The following MFAP4 variants were observed in gnomAD, a reference collection of about 807,000 sequenced individuals.
MFAP4 encodes the protein microfibril-associated glycoprotein 4.
Under a neutral mutation model 32.4 loss-of-function variants are expected in MFAP4, and 20 were observed. That is an observed-to-expected ratio of 0.62 (90% CI 0.43 to 0.90). The LOEUF (loss-of-function observed/expected upper bound fraction) is 0.90, where lower values mean the gene tolerates loss of function less well. MFAP4 is among the 40% of genes least tolerant of loss of function. The pLI, the probability that MFAP4 is intolerant of heterozygous loss-of-function variation, is 0.00. For synonymous variants in MFAP4, 146 were observed against 137.4 expected (o/e 1.06, Z -0.44); for missense variants, 267 against 329.5 (o/e 0.81, Z 1.47).
Position 19,386,328 on chromosome 17 carries a change from G to C in MFAP4, c.222C>G (p.Thr74=). The C allele has an allele frequency of 6.2e-7, 1 of 1,608,368 alleles. No homozygotes were observed. Among genetic ancestry groups the C allele is most frequent in the Non-Finnish European group, 8.5e-7 (1 of 1,177,146 alleles). The change falls in exon 3 of 6, where the codon ACC becomes ACG. Residue 74 remains threonine, a synonymous_variant. Transcript: ENST00000299610. ...VPVPVFCDMT[T]EGGKWTVFQK... is the part of the protein sequence containing the mutation. The stretch of plus-strand genomic sequence containing the variant: ...CACTCACCGTCCACTTCCCGCCCTC[G>C]GTGGTCATGTCACAGAAGACGGGCA...
At chr17:19,386,977 G>GGCGC in intron 1 of MFAP4, 139 bp from the exon 2 acceptor site, 1 of 689,460 alleles carries the variant, frequency 1.5e-6, no homozygotes, top group Non-Finnish European at 2.4e-6. Context: ...CCTCTTCCCT[G>GGCGC]CCCCCCCACC....
In MFAP4 at chr17:19,384,265, A is replaced by G; in HGVS notation, c.*197T>C. 1 of 622,570 alleles carries G rather than the reference A, an allele frequency of 1.6e-6. No homozygotes were observed. The allele number at this position is 622,570 out of a possible 1,614,324, so 38.6% of individuals were successfully genotyped here. ...CTGCTGGCAGTGTAACTTCAGGTGT[A>G]GGGGAGCCGGGTCTGGCTTAGGAAT... On this transcript the variant is annotated 3_prime_UTR_variant, in exon 6 of 6. Transcript: ENST00000299610.
rs140186657 is a variant in MFAP4, at chr17:19,385,395, C to T, written c.300G>A (p.Lys100=). 1.5e-4 allele frequency: 248 copies of T among 1,614,148 alleles called. No individual in the cohort carries two copies. Among genetic ancestry groups the T allele is most frequent in the Non-Finnish European group, 1.9e-4 (229 of 1,180,060 alleles). ...VSFFRGWNDY[K]LGFGRADGEY... is the part of the protein sequence containing the mutation. ...CTCCATCAGCACGGCCGAAGCCCAG[C>T]TTGTAGTCATTCCAGCCGCGGAAGA... The change falls in exon 4 of 6, where the codon AAG becomes AAA. Residue 100 remains lysine, a synonymous_variant. Transcript: ENST00000299610.
In MFAP4 at chr17:19,387,075, C is replaced by T; in HGVS notation, c.6+75G>A. On this transcript the variant is annotated intron_variant, in intron 1 of 5. Transcript: ENST00000299610. ...GAGAACTCCTTGTGCCTTCATAGTG[C>T]CCTCTGTGGCCAGGGGCCTCTGGAG... 1 of 1,596,394 alleles carries T rather than the reference C, an allele frequency of 6.3e-7. No homozygotes were observed. The highest frequency in any genetic ancestry group is 8.5e-7 in the Non-Finnish European group (1 of 1,172,480).
At position 19,384,231 on chromosome 17, in the gene MFAP4, C is replaced by A; in HGVS notation, c.*231G>T. 1.8e-6 allele frequency: 1 copy of A among 550,586 alleles called. No individual in the cohort carries two copies. Among genetic ancestry groups the A allele is most frequent in the South Asian group, 2.1e-5 (1 of 48,748 alleles). The allele number at this position is 550,586 out of a possible 1,614,324, so 34.1% of individuals were successfully genotyped here. A position where few individuals can be genotyped will look rare whatever the true frequency, so the allele number is the denominator to read the frequency against. On this transcript the variant is annotated 3_prime_UTR_variant, in exon 6 of 6. Coordinates refer to ENST00000299610, the MANE Select transcript of MFAP4 (RefSeq NM_002404.3). ...AGAACCATGTGCCTCTCGGAAGAGG[C>A]CTGGGGAACTGCTGGCAGTGTAACT... is the stretch of plus-strand genomic sequence containing the variant.
rs1456832081 is a variant in MFAP4, at chr17:19,385,146, T to C, written c.473A>G (p.Glu158Gly). The change falls in exon 5 of 6, where the codon GAG becomes GGG. Residue 158 changes from glutamate (E) to glycine (G), a missense_variant. Physicochemically the swap from Glu to Gly is moderately conservative, Grantham distance 98. Transcript: ENST00000299610. ...TGCCACAAAGAGGGTGTAGCCATCC[T>C]CCTCTGCGCTGACCGCGTTCGGGGA... is the stretch of plus-strand genomic sequence containing the variant. ...SISPNAVSAEEDGYTLFVAGF... is the reference protein window; with the variant it reads ...SISPNAVSAEGDGYTLFVAGF... 1 of 1,614,254 alleles carries C rather than the reference T, an allele frequency of 6.2e-7. No individual in the cohort carries two copies. Among genetic ancestry groups the C allele is most frequent in the South Asian group, 1.1e-5 (1 of 91,090 alleles).
At chr17:19,386,976 T>TTCCCCCCCCC in intron 1 of MFAP4, 138 bp from the exon 2 acceptor site, 3 of 590,546 alleles carry the variant, frequency 5.1e-6, no homozygotes, top group Non-Finnish European at 5.9e-6. Flanking sequence ...CCCTCTTCCC[T>TTCCCCCCCCC]GCCCCCCCAC....
intron 1 of MFAP4, 46 bp from the exon 2 acceptor site, chr17:19,386,884 G>A (rs1913058321): frequency 1.3e-6 from 2 of 1,532,334 alleles, no homozygotes; most frequent in African/African-American, 2.8e-5. Context: ...CCCAGCTCCA[G>A]AGATCCCCTG....
chr17:19,385,471 G>T lies in MFAP4; in HGVS notation c.241-17C>A. The T allele has an allele frequency of 6.2e-7, 1 of 1,612,396 alleles. No individual in the cohort carries two copies. The highest frequency in any genetic ancestry group is 8.5e-7 in the Non-Finnish European group (1 of 1,178,450). On this transcript the variant is annotated splice_polypyrimidine_tract_variant and intron_variant, in intron 3 of 5. Coordinates refer to ENST00000299610, the MANE Select transcript of MFAP4 (RefSeq NM_002404.3). ...CTGGAAAACCTGGAGCAGAGAAGATGAGACTGGATCATCAAGGGTCCAATG... is the reference window on the plus strand; with the variant it reads ...CTGGAAAACCTGGAGCAGAGAAGATTAGACTGGATCATCAAGGGTCCAATG...
In MFAP4 at chr17:19,384,486, A is replaced by T. The variant is rs149996460; in HGVS notation, c.744T>A (p.Thr248=). The T allele has an allele frequency of 6.3e-7, 1 of 1,590,906 alleles. No homozygotes were observed. Among genetic ancestry groups the T allele is most frequent in the Non-Finnish European group, 8.6e-7 (1 of 1,168,196 alleles). ...TTCAGGCCCGGCGGATTTTCATCTC[A>T]GTGCGTTTGAGGGAGTAGTAGAAGC... ...WKGFYYSLKR[T]EMKIRRA Residue 248 remains threonine (T), a synonymous_variant, in exon 6 of 6, where the codon ACT becomes ACA. Transcript: ENST00000299610.
At chr17:19,386,930 A>C (rs1251256850) in intron 1 of MFAP4, 92 bp from the exon 2 acceptor site, 1 of 1,441,014 alleles carries the variant, frequency 6.9e-7, no homozygotes, top group South Asian at 1.3e-5. Flanking sequence ...GCATGCACAT[A>C]CTGCCCTTGC....
rs1383827896 is a variant in MFAP4 at position 19,386,788 on chromosome 17, G to A, written c.57C>T (p.Ala19=). The A allele has an allele frequency of 6.3e-6, 10 of 1,577,298 alleles. No homozygotes were observed. Among genetic ancestry groups the A allele is most frequent in the Non-Finnish European group, 8.6e-6 (10 of 1,161,382 alleles). ...CTCCTCGGATCCCGGAGACCTGGGGGGCACACGGGGGCGTGGAGAGAAGCA... is the reference window on the plus strand; with the variant it reads ...CTCCTCGGATCCCGGAGACCTGGGGAGCACACGGGGGCGTGGAGAGAAGCA... ...LLLLLSTPPC[A]PQVSGIRGDA... The change falls in exon 2 of 6, where the codon GCC becomes GCT. Residue 19 remains alanine (A), a synonymous_variant. Transcript: ENST00000299610.
chr17:19,386,897 C>A, intron 1 of MFAP4, 59 bp from the exon 2 acceptor site: 2 of 1,518,920 alleles, frequency 1.3e-6, no homozygotes, highest in Non-Finnish European at 1.8e-6. Flanking sequence ...ATCCCCTGTT[C>A]TCTTTGCATT....
At chr17:19,386,976 T>TTCCCCCCCCCCCCCCCCCCCCCCC in intron 1 of MFAP4, 138 bp from the exon 2 acceptor site, 3 of 590,546 alleles carry the variant, frequency 5.1e-6, no homozygotes, top group African/African-American at 2.4e-5. Flanking sequence ...CCCTCTTCCC[T>TTCCCCCCCCCCCCCCCCCCCCCCC]GCCCCCCCAC....
Position 19,384,598 on chromosome 17 carries a change from CT to C in MFAP4, c.631del (p.Ser211AlafsTer12), listed in dbSNP as rs775239925. On this transcript the variant is annotated frameshift_variant, in exon 6 of 6. Transcript: ENST00000299610. LOFTEE classifies it high-confidence loss of function. Reference protein sequence around the residue: ...ALSSGAFWFRSCHFANLNGFY... With the variant: ...ALSSGAFWFRXCHFANLNGFY... The stretch of plus-strand genomic sequence containing the variant: ...GCCATTGAGGTTGGCAAAGTGGCAG[CT>C]GCGGAACCAGAAGGCTCCTGAGGAG... 2 of 1,613,156 alleles carry C rather than the reference CT, an allele frequency of 1.2e-6. No homozygotes were observed. Among genetic ancestry groups the C allele is most frequent in the Non-Finnish European group, 1.7e-6 (2 of 1,179,884 alleles).
At chr17:19,386,724 G>C (rs778790301) in intron 2 of MFAP4, 36 bp downstream of exon 2, 31 of 1,550,270 alleles carry the variant, frequency 2.0e-5, no homozygotes, top group Non-Finnish European at 2.5e-5. Flanking sequence ...CACAACCTGT[G>C]GGCCAGGCCG....
At chr17:19,384,765 G>A in intron 5 of MFAP4, 56 bp from the exon 6 acceptor site, 1 of 1,602,934 alleles carries the variant, frequency 6.2e-7, no homozygotes, top group East Asian at 2.2e-5. Context: ...GCCCCGAGCT[G>A]GCCGGGAGAG....
At chr17:19,387,066 T>G in intron 1 of MFAP4, 84 bp downstream of exon 1, 1 of 1,568,076 alleles carries the variant, frequency 6.4e-7, no homozygotes, top group Non-Finnish European at 8.7e-7. Context: ...TCCTTGTGCC[T>G]TCATAGTGCC....
rs750422825 is a variant in MFAP4, at chr17:19,385,133, G to A, written c.486C>T (p.Thr162=). Residue 162 remains threonine, a synonymous_variant, in exon 5 of 6, where the codon ACC becomes ACT. Coordinates refer to ENST00000299610, the MANE Select transcript of MFAP4 (RefSeq NM_002404.3). ...NAVSAEEDGY[T]LFVAGFEDGG... is the part of the protein sequence containing the mutation. Reference sequence around the variant, plus strand: ...CATCCTCAAAGCCTGCCACAAAGAGGGTGTAGCCATCCTCCTCTGCGCTGA... The same window carrying A: ...CATCCTCAAAGCCTGCCACAAAGAGAGTGTAGCCATCCTCCTCTGCGCTGA... 1.2e-6 allele frequency: 2 copies of A among 1,614,246 alleles called. No homozygotes were observed. The highest frequency in any genetic ancestry group is 4.5e-5 in the East Asian group (2 of 44,882).
Sources: gnomAD v4.1 joint callset for allele counts on GRCh38, gnomAD v4.1.1 for gene constraint, MANE v1.5 for transcripts, NCBI Gene and HGNC (gene_info 2026-07-23, HGNC 2026-07-21) for gene names.